MEF2A: variants seen among roughly 807,000 people sequenced by gnomAD.
The protein encoded by MEF2A is myocyte enhancer factor 2A.
Under a neutral mutation model 55.8 loss-of-function variants are expected in MEF2A, and 28 were observed. The ratio of observed to expected loss-of-function variants is 0.50; its 90% CI spans 0.37 to 0.69. The LOEUF (loss-of-function observed/expected upper bound fraction) is 0.69, where lower values mean the gene tolerates loss of function less well. Among genes scored for constraint, MEF2A ranks in the 30% least tolerant of loss-of-function variants. The probability of loss-of-function intolerance (pLI) is 0.00; values close to 1 mark genes in which losing one functional copy is unlikely to be tolerated. For synonymous variants in MEF2A, 239 were observed against 227.1 expected (o/e 1.05, Z -0.47); for missense variants, 528 against 626.2 (o/e 0.84, Z 1.67).
intron 1 of MEF2A, among the ~76,000 whole-genome samples, chr15:99,588,692 C>T (rs1212962701): frequency 1.3e-5 from 2 of 152,006 alleles, no homozygotes; most frequent in African/African-American, 4.8e-5. Flanking sequence ...GTTTTCTTGC[C>T]TCAGCCTCCC....
Position 99,713,297 on chromosome 15 carries a change from G to A in MEF2A, c.*526G>A, listed in dbSNP as rs72760574. ...CCTGGCATGGGTGTCTGTTGCAAAG[G>A]GGTGCATGGGAAAGGGCTGTTGATA... is the stretch of plus-strand genomic sequence containing the variant. On this transcript the variant is annotated 3_prime_UTR_variant, in exon 12 of 12. Transcript: ENST00000557942. 2,176 of 329,076 alleles carry A rather than the reference G, an allele frequency of 6.6e-3. 12 individuals carry two copies. The highest frequency in any genetic ancestry group is 0.031 in the Middle Eastern group (38 of 1,240). The allele number at this position is 329,076 out of a possible 1,614,324, so 20.4% of individuals were successfully genotyped here.
At chr15:99,647,601 A>T (rs145153631) in intron 4 of MEF2A, among the ~76,000 whole-genome samples, 31 of 152,280 alleles carry the variant, frequency 2.0e-4, no homozygotes, top group African/African-American at 7.2e-4. Flanking sequence ...TCTGTTGTGG[A>T]CAGCAAAGTG....
intron 2 of MEF2A, among the ~76,000 whole-genome samples, chr15:99,625,309 A>G (rs1409243065): frequency 1.3e-5 from 2 of 152,166 alleles, no homozygotes; most frequent in East Asian, 1.9e-4. Context: ...CTACTTTACT[A>G]AATTTATTAG....
chr15:99,643,394 C>G lies in MEF2A; in HGVS notation c.55-2167C>G, dbSNP rs142466294. Among the ~76,000 whole-genome samples, 55 of 152,196 alleles carry G rather than the reference C, an allele frequency of 3.6e-4. 1 individual carries two copies. The highest frequency in any genetic ancestry group is 1.3e-3 in the African/African-American group (53 of 41,530). The stretch of plus-strand genomic sequence containing the variant: ...AACAGCTTGTTTTCTTGCTTTGTGA[C>G]TTGTTATATTTTGTTATAATCTAAT... On this transcript the variant is annotated intron_variant, in intron 3 of 11. Coordinates refer to ENST00000557942, the MANE Select transcript of MEF2A (RefSeq NM_001319206.4).
intron 4 of MEF2A, among the ~76,000 whole-genome samples, chr15:99,654,189 T>C (rs2047303979): frequency 1.3e-5 from 2 of 152,200 alleles, no homozygotes; most frequent in South Asian, 4.1e-4. Context: ...AATAATGTTT[T>C]AGATATTTTG....
intron 8 of MEF2A, among the ~76,000 whole-genome samples, chr15:99,696,908 T>C (rs929920696): frequency 6.6e-6 from 1 of 151,978 alleles, no homozygotes; most frequent in African/African-American, 2.4e-5. Context: ...AAATCCTCAG[T>C]AAAAAGTAAG....
chr15:99,572,477 A>G (rs569552554), intron 1 of MEF2A, among the ~76,000 whole-genome samples: 1 of 152,214 alleles, frequency 6.6e-6, no homozygotes, highest in Admixed American at 6.5e-5. Flanking sequence ...TTGTTTAGTT[A>G]TTGCTTATTT....
At position 99,703,381 on chromosome 15, in the gene MEF2A, A is replaced by C; in HGVS notation, c.878A>C (p.Glu293Ala). ...MPPLSEEEEL[E>A]LNTQRISSSQ... ...GTACAGTCGGAGGAAGAGGAATTGGAGTTGGTGAGTGTGGGTTTCTGCTTG... is the reference window on the plus strand; with the variant it reads ...GTACAGTCGGAGGAAGAGGAATTGGCGTTGGTGAGTGTGGGTTTCTGCTTG... The change falls in exon 9 of 12, where the codon GAG becomes GCG. Residue 293 changes from glutamate (E) to alanine (A), a missense_variant. Physicochemically the swap from Glu to Ala is moderately radical, Grantham distance 107. Around this residue, in one of 2 missense-constraint regions of MEF2A, gnomAD observed 450 missense variants for 475.3 expected, o/e 0.95. Coordinates refer to ENST00000557942, the MANE Select transcript of MEF2A (RefSeq NM_001319206.4). 6.2e-7 allele frequency: 1 copy of C among 1,609,572 alleles called. No individual in the cohort carries two copies. Among genetic ancestry groups the C allele is most frequent in the South Asian group, 1.1e-5 (1 of 90,198 alleles).
chr15:99,680,321 T>C (rs1180772978), intron 7 of MEF2A, among the ~76,000 whole-genome samples: 1 of 152,196 alleles, frequency 6.6e-6, no homozygotes, highest in Non-Finnish European at 1.5e-5. Flanking sequence ...TCATTGGTAG[T>C]ATTCATGAAA....
At chr15:99,679,353 AAG>A (rs1472376147) in intron 7 of MEF2A, among the ~76,000 whole-genome samples, 1 of 152,246 alleles carries the variant, frequency 6.6e-6, no homozygotes, top group African/African-American at 2.4e-5. Context: ...GGATAAATAT[AAG>A]AGTACATTCA....
At chr15:99,653,158 A>G (rs2047128723) in intron 4 of MEF2A, among the ~76,000 whole-genome samples, 1 of 152,152 alleles carries the variant, frequency 6.6e-6, no homozygotes, top group Non-Finnish European at 1.5e-5. Context: ...CGTGTTTCTC[A>G]ATGTTCTGTG....
At chr15:99,570,809 G>GAA (rs11287766) in intron 1 of MEF2A, among the ~76,000 whole-genome samples, 2 of 136,818 alleles carry the variant, frequency 1.5e-5, no homozygotes, top group Non-Finnish European at 3.2e-5. Context: ...TCTTCTTAAA[G>GAA]AAAAAAAAAA....
intron 8 of MEF2A, among the ~76,000 whole-genome samples, chr15:99,699,425 G>A (rs2057031901): frequency 6.6e-6 from 1 of 152,170 alleles, no homozygotes; most frequent in African/African-American, 2.4e-5. Context: ...AGGGTTAATA[G>A]GGAATTTTTG....
Position 99,663,387 on chromosome 15 carries a change from T to C in MEF2A, c.259-7936T>C, listed in dbSNP as rs117931372. ...TATATACGGAAATGGACTGCACTTT[T>C]AACTCCTGACTACCAAGAACTGAAA... On this transcript the variant is annotated intron_variant, in intron 4 of 11. Transcript: ENST00000557942. Among the ~76,000 whole-genome samples, 38 of 152,028 alleles carry C rather than the reference T, an allele frequency of 2.5e-4. 1 individual carries two copies. The East Asian group carries it at 3.5e-3, about 14-fold the overall frequency.
rs138454140 is a variant in MEF2A, at chr15:99,578,127, A to G, written c.-225+12023A>G. Among the ~76,000 whole-genome samples, 11 of 152,346 alleles carry G rather than the reference A, an allele frequency of 7.2e-5. 1 individual carries two copies. The East Asian group carries it at 2.1e-3, about 29-fold the overall frequency. Reference sequence around the variant, plus strand: ...CTTCCAACTTTCATCCATTCACTTCAGCATTCATTGCTGGAACTTATCTGT... The same window carrying G: ...CTTCCAACTTTCATCCATTCACTTCGGCATTCATTGCTGGAACTTATCTGT... On this transcript the variant is annotated intron_variant, in intron 1 of 11. Coordinates refer to ENST00000557942, the MANE Select transcript of MEF2A (RefSeq NM_001319206.4).
At chr15:99,702,008 T>C (rs1220400497) in intron 8 of MEF2A, among the ~76,000 whole-genome samples, 1 of 152,210 alleles carries the variant, frequency 6.6e-6, no homozygotes, top group Non-Finnish European at 1.5e-5. Context: ...ACTCAAAATG[T>C]GTCGTATGAA....
intron 4 of MEF2A, among the ~76,000 whole-genome samples, chr15:99,657,197 G>A (rs2047882942): frequency 1.3e-5 from 2 of 151,754 alleles, no homozygotes; most frequent in South Asian, 2.1e-4. Context: ...TTTGGTATGG[G>A]TATAAGTTTT....
In MEF2A at chr15:99,674,638, G is replaced by A. The variant is rs750739888; in HGVS notation, c.610+26G>A. The A allele has an allele frequency of 2.4e-5, 37 of 1,557,706 alleles. No individual in the cohort carries two copies. The African/African-American group carries it at 4.2e-4, about 18-fold the overall frequency. ...GTATGTAGTGATACCTATTATGCTG[G>A]TTCTTTAATAAAGAGGGTGAAAAAA... is the stretch of plus-strand genomic sequence containing the variant. On this transcript the variant is annotated intron_variant, in intron 6 of 11. Coordinates refer to ENST00000557942, the MANE Select transcript of MEF2A (RefSeq NM_001319206.4).
intron 2 of MEF2A, among the ~76,000 whole-genome samples, chr15:99,601,142 C>T (rs1216564052): frequency 1.3e-5 from 2 of 152,064 alleles, no homozygotes; most frequent in African/African-American, 4.8e-5. Context: ...ATTATTTTAA[C>T]TTTGTTATTA....
Sources: gnomAD v4.1 joint callset for allele counts (sites outside exome capture counted in the v4.1 genomes callset) on GRCh38, gnomAD v4.1.1 for gene constraint, gnomAD v4.1.1 regional missense constraint, MANE v1.5 for transcripts, NCBI Gene and HGNC (gene_info 2026-07-23, HGNC 2026-07-21) for gene names.